HCRTR2: variants seen among roughly 807,000 people sequenced by gnomAD.
HCRTR2 encodes hypocretin receptor 2.
HCRTR2 carries 22 observed loss-of-function variants against 49.0 expected under a neutral mutation model. That is an observed-to-expected ratio of 0.45 (90% CI 0.32 to 0.64). HCRTR2 has a LOEUF of 0.64. Among genes scored for constraint, HCRTR2 ranks in the 30% least tolerant of loss-of-function variants. The pLI, the probability that HCRTR2 is intolerant of heterozygous loss-of-function variation, is 0.04. For missense variants in HCRTR2, 491 were observed against 559.4 expected (o/e 0.88, Z 1.23); for synonymous variants, 236 against 205.3 (o/e 1.15, Z -1.28).
rs75112188 is a variant in HCRTR2, at chr6:55,234,422, T to C, written c.224-14217T>C. Among the ~76,000 whole-genome samples the C allele has an allele frequency of 3.4e-3, 521 of 152,146 alleles. 9 individuals are homozygous for C. Among genetic ancestry groups the C allele is most frequent in the East Asian group, 0.033 (170 of 5,168 alleles). ...GTTAAAAGAAGATTTTAAAATACGA[T>C]AAGAAGAGAGGGGAGAAATGGCTAG... On this transcript the variant is annotated intron_variant, in intron 1 of 6. Transcript: ENST00000370862.
At chr6:55,155,294 C>G (rs904697820) in intron 1 of HCRTR2, among the ~76,000 whole-genome samples, 2 of 151,696 alleles carry the variant, frequency 1.3e-5, no homozygotes, top group African/African-American at 4.8e-5. Context: ...GAATGGATTT[C>G]CTTTTATTGT....
At chr6:55,122,466 A>G (rs1250023759) in intron 1 of HCRTR2, among the ~76,000 whole-genome samples, 1 of 152,020 alleles carries the variant, frequency 6.6e-6, no homozygotes, top group Non-Finnish European at 1.5e-5. Flanking sequence ...TATCTCCTTC[A>G]GTTCTGCTCT....
At chr6:55,184,262 T>A (rs958146767) in intron 1 of HCRTR2, among the ~76,000 whole-genome samples, 1 of 152,224 alleles carries the variant, frequency 6.6e-6, no homozygotes, top group African/African-American at 2.4e-5. Context: ...AATTATATCT[T>A]TCTTGGAACA....
intron 1 of HCRTR2, among the ~76,000 whole-genome samples, chr6:55,120,037 C>T (rs1176737295): frequency 9.2e-5 from 14 of 152,120 alleles, no homozygotes; most frequent in Admixed American, 9.2e-4. Context: ...AATATTCTCC[C>T]CATTGCTTGT....
At chr6:55,235,119 A>T (rs536861843) in intron 1 of HCRTR2, among the ~76,000 whole-genome samples, 4 of 152,282 alleles carry the variant, frequency 2.6e-5, no homozygotes, top group Non-Finnish European at 5.9e-5. Flanking sequence ...TTAAAAACAG[A>T]TAACAATTAA....
intron 4 of HCRTR2, among the ~76,000 whole-genome samples, chr6:55,270,222 G>A (rs1460953661): frequency 6.6e-6 from 1 of 151,906 alleles, no homozygotes; most frequent in African/African-American, 2.4e-5. Flanking sequence ...AAATAGCTCT[G>A]GATTATTAAA....
At chr6:55,204,004 T>A (rs975755928) in intron 1 of HCRTR2, among the ~76,000 whole-genome samples, 14 of 152,164 alleles carry the variant, frequency 9.2e-5, no homozygotes, top group Non-Finnish European at 2.1e-4. Flanking sequence ...AGGGTGTATA[T>A]CAGATCTTAT....
At chr6:55,279,520 AACACACACACAC>A (rs34736199) in intron 5 of HCRTR2, among the ~76,000 whole-genome samples, 4 of 142,680 alleles carry the variant, frequency 2.8e-5, no homozygotes, top group East Asian at 2.1e-4. Flanking sequence ...TTCTTGCTGT[AACACACACACAC>A]ACACACACAC....
At chr6:55,230,631 G>T (rs1193892270) in intron 1 of HCRTR2, among the ~76,000 whole-genome samples, 1 of 152,114 alleles carries the variant, frequency 6.6e-6, no homozygotes, top group Admixed American at 6.6e-5. Flanking sequence ...CTGATAAACA[G>T]ATTTATGGGA....
chr6:55,144,615 C>G (rs1764554155), intron 1 of HCRTR2, among the ~76,000 whole-genome samples: 1 of 152,108 alleles, frequency 6.6e-6, no homozygotes, highest in African/African-American at 2.4e-5. Context: ...TTAGATTCTC[C>G]TAAGTAGAGC....
At chr6:55,275,624 TGAGATGGAGTTTTGCTC>T (rs1767063185) in intron 4 of HCRTR2, among the ~76,000 whole-genome samples, 1 of 150,958 alleles carries the variant, frequency 6.6e-6, no homozygotes, top group Non-Finnish European at 1.5e-5. Context: ...TTTTTTTTTT[TGAGATGGAGTTTTGCTC>T]TTGTTGCCCA....
intron 1 of HCRTR2, among the ~76,000 whole-genome samples, chr6:55,159,563 C>T (rs904194005): frequency 5.9e-5 from 9 of 152,056 alleles, no homozygotes; most frequent in African/African-American, 1.9e-4. Context: ...ATGTTCTAAC[C>T]CAATGCAAGG....
chr6:55,257,001 A>C (rs1427988319), intron 3 of HCRTR2, among the ~76,000 whole-genome samples: 1 of 152,188 alleles, frequency 6.6e-6, no homozygotes, highest in Non-Finnish European at 1.5e-5. Flanking sequence ...AGGAACTGCT[A>C]ACATTCCAGC....
intron 1 of HCRTR2, among the ~76,000 whole-genome samples, chr6:55,181,931 C>T (rs1205572143): frequency 1.3e-5 from 2 of 152,206 alleles, no homozygotes; most frequent in Admixed American, 6.5e-5. Flanking sequence ...TTTATTCTTA[C>T]AAGTCCTTAA....
chr6:55,175,514 T>A (rs186150528), intron 1 of HCRTR2, among the ~76,000 whole-genome samples: 47 of 148,594 alleles, frequency 3.2e-4, no homozygotes, highest in East Asian at 7.9e-4. Context: ...AGCCAAATAT[T>A]TTTTTTTTTC....
At chr6:55,172,122 G>A (rs7771743), upstream of HCRTR2, among the ~76,000 whole-genome samples, 66,541 of 152,018 alleles carry the variant, frequency 0.44, 15,416 homozygotes, top group East Asian at 0.78. Context: ...GGTGACAACA[G>A]GTCTGGAGAA....
At chr6:55,139,327 A>G (rs1044998556) in intron 1 of HCRTR2, among the ~76,000 whole-genome samples, 2 of 152,206 alleles carry the variant, frequency 1.3e-5, no homozygotes, top group African/African-American at 4.8e-5. Context: ...AGAATAGACT[A>G]AAATAAATTA....
chr6:55,212,702 C>T (rs916246507), intron 1 of HCRTR2, among the ~76,000 whole-genome samples: 1 of 152,142 alleles, frequency 6.6e-6, no homozygotes, highest in African/African-American at 2.4e-5. Context: ...GTCTGTTTTA[C>T]TCCACAAGAT....
chr6:55,176,781 A>G (rs1765047897), intron 1 of HCRTR2, among the ~76,000 whole-genome samples: 1 of 152,188 alleles, frequency 6.6e-6, no homozygotes, highest in African/African-American at 2.4e-5. Flanking sequence ...ATTGTCTGCA[A>G]GTTTATTAGA....
Sources: allele counts gnomAD v4.1 joint callset (sites outside exome capture counted in the v4.1 genomes callset), GRCh38; gene constraint gnomAD v4.1.1; transcripts MANE v1.5; gene names NCBI Gene and HGNC (gene_info 2026-07-23, HGNC 2026-07-21).